CYRIA: variants seen among roughly 807,000 people sequenced by gnomAD.
CYRIA encodes the protein CYFIP related Rac1 interactor A.
A neutral mutation model predicts 43.9 loss-of-function variants in CYRIA; 15 were observed. The ratio of observed to expected loss-of-function variants is 0.34; its 90% CI spans 0.23 to 0.53. CYRIA has a LOEUF of 0.53. CYRIA is among the 20% of genes least tolerant of loss of function. The pLI is 0.94. For missense variants in CYRIA, 236 were observed against 394.2 expected, an observed-to-expected ratio of 0.60 and a Z score of 3.40; for synonymous variants, 117 against 136.0, an observed-to-expected ratio of 0.86 and a Z score of 0.97.
intron 6 of CYRIA, 99 bp from the exon 7 acceptor site, chr2:16,561,632 G>A: frequency 1.1e-6 from 1 of 907,404 alleles, no homozygotes; most frequent in East Asian, 2.5e-5. Flanking sequence ...AATACTCCAG[G>A]ACTTCTCTTT....
intron 1 of CYRIA, among the ~76,000 whole-genome samples, chr2:16,644,437 C>A (rs1669761404): frequency 6.6e-6 from 1 of 152,152 alleles, no homozygotes; most frequent in Non-Finnish European, 1.5e-5. Context: ...TTGTTGTGTT[C>A]CAGCCTCAGG....
chr2:16,563,270 G>C (rs547993544), intron 5 of CYRIA, among the ~76,000 whole-genome samples: 129 of 152,246 alleles, frequency 8.5e-4, no homozygotes, highest in African/African-American at 2.7e-3. Flanking sequence ...AACGGGTTTG[G>C]TTCATTCAAG....
intron 2 of CYRIA, among the ~76,000 whole-genome samples, chr2:16,619,926 C>A (rs1222138454): frequency 6.6e-6 from 1 of 152,204 alleles, no homozygotes; most frequent in Non-Finnish European, 1.5e-5. Flanking sequence ...TCATATGGCT[C>A]CTTTTGGAGC....
intron 5 of CYRIA, 97 bp from the exon 6 acceptor site, chr2:16,562,238 A>C: frequency 3.7e-6 from 5 of 1,333,646 alleles, no homozygotes; most frequent in Non-Finnish European, 5.1e-6. Context: ...CTCGGAGATC[A>C]CCTGCTTGAG....
intron 3 of CYRIA, among the ~76,000 whole-genome samples, chr2:16,566,071 T>A: frequency 6.6e-6 from 1 of 152,226 alleles, no homozygotes; most frequent in East Asian, 1.9e-4. Flanking sequence ...AACAGGGCAC[T>A]GAGTGATAGA....
At chr2:16,622,580 G>A (rs550233885) in intron 2 of CYRIA, among the ~76,000 whole-genome samples, 4 of 152,266 alleles carry the variant, frequency 2.6e-5, no homozygotes, top group African/African-American at 4.8e-5. Flanking sequence ...ATGCTCATGC[G>A]TGATCTCACT....
chr2:16,563,938 T>C (rs768667882), intron 5 of CYRIA, 51 bp downstream of exon 5: 4 of 1,398,248 alleles, frequency 2.9e-6, no homozygotes, highest in Non-Finnish European at 4.0e-6. Context: ...TACTCAAACA[T>C]CAAAACAGAA....
rs999209709 is a variant in CYRIA, at chr2:16,650,554, T to C, written c.-167+15226A>G. 6.6e-6 allele frequency among the ~76,000 whole-genome samples: 1 copy of C among 152,222 alleles called. No homozygotes were observed. Among genetic ancestry groups the C allele is most frequent in the South Asian group, 2.1e-4 (1 of 4,832 alleles). The stretch of plus-strand genomic sequence containing the variant: ...GCAGAACCTTCTCCGTTAAGCTTCA[T>C]GGGCTGGCAGCCCCAGCTCTCACAC... On this transcript the variant is annotated intron_variant, in intron 1 of 11. Transcript: ENST00000381323. The surrounding 1 kb of genome is among the most constrained non-coding windows in gnomAD (Gnocchi z 4.1).
chr2:16,584,427 G>A (rs1343526900), intron 3 of CYRIA, among the ~76,000 whole-genome samples: 1 of 152,172 alleles, frequency 6.6e-6, no homozygotes, highest in African/African-American at 2.4e-5. Flanking sequence ...AGTTTAGTAA[G>A]ATGTCCTCCT....
intron 1 of CYRIA, among the ~76,000 whole-genome samples, chr2:16,639,448 T>C (rs1263129677): frequency 6.6e-6 from 1 of 152,244 alleles, no homozygotes; most frequent in Non-Finnish European, 1.5e-5. Flanking sequence ...TCAGTTTCCC[T>C]CTTTCAATCT....
intron 1 of CYRIA, among the ~76,000 whole-genome samples, chr2:16,625,431 G>C (rs1669132899): frequency 6.6e-6 from 1 of 152,130 alleles, no homozygotes; most frequent in African/African-American, 2.4e-5. Context: ...TGGGGGAGGA[G>C]GGAAGGAAAT....
At chr2:16,637,157 C>T (rs1364313818) in intron 1 of CYRIA, among the ~76,000 whole-genome samples, 1 of 152,080 alleles carries the variant, frequency 6.6e-6, no homozygotes, top group Non-Finnish European at 1.5e-5. Flanking sequence ...TTTGGCCAAA[C>T]AGCTAATGGA....
intron 2 of CYRIA, among the ~76,000 whole-genome samples, chr2:16,612,858 C>T (rs540965838): frequency 1.3e-5 from 2 of 152,164 alleles, no homozygotes; most frequent in East Asian, 1.9e-4. Context: ...CCCGACATGT[C>T]GTGGGAGGGA....
At position 16,565,778 on chromosome 2, in the gene CYRIA, G is replaced by A. The variant is rs373784929; in HGVS notation, c.71-11C>T. On this transcript the variant is annotated splice_polypyrimidine_tract_variant and intron_variant, in intron 3 of 11. Coordinates refer to ENST00000381323, the MANE Select transcript of CYRIA (RefSeq NM_030797.4). ...CTGTAGGCTGAGCATCTAAGAAACAGGGAAACCGAGAGACAGAGTGCTGGT... is the reference window on the plus strand; with the variant it reads ...CTGTAGGCTGAGCATCTAAGAAACAAGGAAACCGAGAGACAGAGTGCTGGT... The A allele has an allele frequency of 6.4e-7, 1 of 1,552,246 alleles. No homozygotes were observed. Among genetic ancestry groups the A allele is most frequent in the Non-Finnish European group, 8.8e-7 (1 of 1,135,900 alleles).
intron 1 of CYRIA, among the ~76,000 whole-genome samples, chr2:16,633,543 CTTTTTTT>C (rs755223919): frequency 1.1e-5 from 1 of 92,320 alleles, no homozygotes; most frequent in Non-Finnish European, 2.2e-5. Flanking sequence ...CTATCCCTGG[CTTTTTTT>C]TTTTTTTTTT....
At chr2:16,651,688 G>C (rs1013365019) in intron 1 of CYRIA, among the ~76,000 whole-genome samples, 1 of 152,216 alleles carries the variant, frequency 6.6e-6, no homozygotes, top group African/African-American at 2.4e-5. Context: ...GGAGGATGAG[G>C]AGATGAAGAC....
intron 1 of CYRIA, among the ~76,000 whole-genome samples, chr2:16,658,859 A>C (rs533220347): frequency 2.0e-5 from 3 of 152,324 alleles, no homozygotes; most frequent in Admixed American, 2.0e-4. Context: ...CTGTAAGCTG[A>C]GAACATAGTT....
At chr2:16,584,990 G>T (rs1004058275) in intron 3 of CYRIA, among the ~76,000 whole-genome samples, 3 of 151,884 alleles carry the variant, frequency 2.0e-5, no homozygotes, top group Non-Finnish European at 4.4e-5. Flanking sequence ...AGTGACTATT[G>T]TCCTTCACTC....
intron 2 of CYRIA, among the ~76,000 whole-genome samples, chr2:16,590,235 C>G (rs1000440784): frequency 7.9e-5 from 12 of 152,026 alleles, no homozygotes; most frequent in African/African-American, 2.7e-4. Flanking sequence ...TAGGTTCTGC[C>G]AAATTAAAGG....
Sources: allele counts gnomAD v4.1 joint callset (sites outside exome capture counted in the v4.1 genomes callset), GRCh38; gene constraint gnomAD v4.1.1; non-coding constraint Gnocchi (gnomAD v3.1); transcripts MANE v1.5; gene names NCBI Gene and HGNC (gene_info 2026-07-23, HGNC 2026-07-21).